The following MYO1E variants were observed in gnomAD, a reference collection of about 807,000 sequenced individuals.
MYO1E encodes the protein unconventional myosin-Ie.
MYO1E carries 68 observed loss-of-function variants against 151.1 expected under a neutral mutation model. The observed-to-expected ratio is 0.45, with a 90% confidence interval of 0.37 to 0.55. The LOEUF is 0.55. MYO1E is among the 20% of genes least tolerant of loss of function. MYO1E has a pLI of 0.00. For synonymous variants in MYO1E, 601 were observed against 501.7 expected, an observed-to-expected ratio of 1.20 and a Z score of -2.64; for missense variants, 1,363 against 1,389.3, an observed-to-expected ratio of 0.98 and a Z score of 0.30.
rs1250793407 is a variant in MYO1E, at chr15:59,201,890, A to T, written c.1698+436T>A. On this transcript the variant is annotated intron_variant, in intron 16 of 27. Coordinates refer to ENST00000288235, the MANE Select transcript of MYO1E (RefSeq NM_004998.4). ...GGCCTGTAGGACCCAGTGAGGAGGG[A>T]TGCATAAATTGCCCCTAAAAGACCA... Among the ~76,000 whole-genome samples, 5 of 152,156 alleles carry T rather than the reference A, an allele frequency of 3.3e-5. No homozygotes were observed. In the East Asian group the frequency reaches 9.6e-4, roughly 29 times the overall value.
At chr15:59,360,198 C>A (rs549306789) in intron 1 of MYO1E, among the ~76,000 whole-genome samples, 2 of 152,104 alleles carry the variant, frequency 1.3e-5, no homozygotes, top group East Asian at 3.8e-4. Flanking sequence ...TTTTTCACGT[C>A]CTGTACAAGT....
In MYO1E at chr15:59,236,483, C is replaced by CCAGTGTCTTTT; in HGVS notation, c.420+91_420+101dup. 3 of 875,054 alleles carry CCAGTGTCTTTT rather than the reference C, an allele frequency of 3.4e-6. No homozygotes were observed. The South Asian group carries it at 4.1e-5, about 12-fold the overall frequency. 54.2% of individuals were successfully genotyped at this position (875,054 alleles called of 1,614,324 possible). On this transcript the variant is annotated intron_variant, in intron 5 of 27. Transcript: ENST00000288235. ...TTCAAGTTTCACAGTTATAGAAGAA[C>CCAGTGTCTTTT]CAGTGTCTTTTCTGTGGAAGAAAAA...
Position 59,159,213 on chromosome 15 carries a change from C to T in MYO1E, c.2786-834G>A, listed in dbSNP as rs191213630. On this transcript the variant is annotated intron_variant, in intron 24 of 27. Coordinates refer to ENST00000288235, the MANE Select transcript of MYO1E (RefSeq NM_004998.4). This position sits in a 1 kb window ranked among gnomAD's most constrained non-coding sequence, Gnocchi z 4.4. ...CCTGGGAGAACCGACCACGTGGGAT[C>T]GGGGCAAACCCAGTGTGGCCTGCTG... Among the ~76,000 whole-genome samples the T allele has an allele frequency of 1.2e-3, 189 of 152,356 alleles. 1 individual carries two copies. The highest frequency in any genetic ancestry group is 0.01 in the Middle Eastern group (3 of 294).
intron 5 of MYO1E, among the ~76,000 whole-genome samples, chr15:59,234,488 C>T (rs1412394514): frequency 6.6e-6 from 1 of 152,134 alleles, no homozygotes; most frequent in Non-Finnish European, 1.5e-5. Flanking sequence ...CTACCTTAAG[C>T]TTTCTGATCT....
intron 12 of MYO1E, among the ~76,000 whole-genome samples, chr15:59,212,053 C>T (rs563649670): frequency 1.3e-5 from 2 of 152,230 alleles, no homozygotes; most frequent in South Asian, 4.1e-4. Flanking sequence ...TACTGTAACA[C>T]CCAAAGTCTC....
intron 24 of MYO1E, among the ~76,000 whole-genome samples, chr15:59,160,833 T>G (rs939814605): frequency 6.6e-6 from 1 of 152,100 alleles, no homozygotes; most frequent in Non-Finnish European, 1.5e-5. Flanking sequence ...TTAACCACAA[T>G]ATTGTAATGC....
intron 14 of MYO1E, 53 bp from the exon 15 acceptor site, chr15:59,205,538 G>T: frequency 1.4e-6 from 2 of 1,468,064 alleles, no homozygotes. Flanking sequence ...GTAATTAATT[G>T]AACAAAATCA....
intron 25 of MYO1E, among the ~76,000 whole-genome samples, chr15:59,154,413 G>A (rs529575422): frequency 7.9e-5 from 12 of 152,226 alleles, no homozygotes; most frequent in Non-Finnish European, 1.6e-4. Context: ...AGTTAAAATC[G>A]CATTAGCCAA....
At chr15:59,369,535 G>A (rs970781310) in intron 1 of MYO1E, among the ~76,000 whole-genome samples, 1 of 152,194 alleles carries the variant, frequency 6.6e-6, no homozygotes, top group Non-Finnish European at 1.5e-5. Context: ...GGAAGCCTTA[G>A]ATGGGTATTA....
intron 24 of MYO1E, 148 bp from the exon 25 acceptor site, chr15:59,158,527 C>A: frequency 1.4e-6 from 1 of 691,040 alleles, no homozygotes; most frequent in Non-Finnish European, 2.6e-6. Flanking sequence ...GAGAAGGAGC[C>A]GTTGAGGGAA....
chr15:59,214,138 C>T (rs984529297), intron 12 of MYO1E, 90 bp downstream of exon 12: 8 of 1,109,664 alleles, frequency 7.2e-6, no homozygotes, highest in South Asian at 3.1e-5. Flanking sequence ...AGACTGGAAC[C>T]GAAATCTATT....
chr15:59,231,016 C>A (rs1322490609), intron 6 of MYO1E, among the ~76,000 whole-genome samples: 8 of 152,178 alleles, frequency 5.3e-5, no homozygotes, highest in African/African-American at 1.9e-4. Context: ...TTCCTATTTA[C>A]CCCCTCTGGA....
chr15:59,177,149 T>C lies in MYO1E; in HGVS notation c.2049+1244A>G, dbSNP rs1208066213. 2.0e-5 allele frequency among the ~76,000 whole-genome samples: 3 copies of C among 152,194 alleles called. No individual in the cohort carries two copies. In the East Asian group the frequency reaches 5.8e-4, roughly 29 times the overall value. ...GAAAGAACAGGAACTGTTCTGTGGGTTGCTTAATGGCGAATGACACAACAT... is the reference window on the plus strand; with the variant it reads ...GAAAGAACAGGAACTGTTCTGTGGGCTGCTTAATGGCGAATGACACAACAT... On this transcript the variant is annotated intron_variant, in intron 19 of 27. Coordinates refer to ENST00000288235, the MANE Select transcript of MYO1E (RefSeq NM_004998.4).
intron 16 of MYO1E, among the ~76,000 whole-genome samples, chr15:59,199,652 T>C (rs954813052): frequency 3.3e-5 from 5 of 152,176 alleles, no homozygotes; most frequent in Admixed American, 2.6e-4. Context: ...CAAATGAATA[T>C]TCTATTAGTT....
chr15:59,231,941 T>C (rs1380083834), intron 5 of MYO1E, 150 bp from the exon 6 acceptor site: 15 of 712,356 alleles, frequency 2.1e-5, no homozygotes, highest in Non-Finnish European at 7.5e-6. Flanking sequence ...GGAGGATTTA[T>C]TCTTTCACCA....
intron 16 of MYO1E, among the ~76,000 whole-genome samples, chr15:59,196,294 C>A (rs2140330566): frequency 6.6e-6 from 1 of 152,204 alleles, no homozygotes; most frequent in Middle Eastern, 3.4e-3. Flanking sequence ...GAACTGGATT[C>A]AAGCAGAAAA....
intron 1 of MYO1E, among the ~76,000 whole-genome samples, chr15:59,296,054 A>G (rs899137438): frequency 2.0e-4 from 30 of 152,238 alleles, no homozygotes; most frequent in African/African-American, 6.7e-4. Flanking sequence ...TAAAAACACA[A>G]TTTCTAAGCA....
At chr15:59,207,150 T>C in intron 14 of MYO1E, 1 of 1,614,188 alleles carries the variant, frequency 6.2e-7, no homozygotes, top group Non-Finnish European at 8.5e-7. Context: ...TTCATCACAG[T>C]AAGGTCTCCA....
intron 1 of MYO1E, among the ~76,000 whole-genome samples, chr15:59,344,893 TA>T (rs2140431204): frequency 6.6e-6 from 1 of 152,308 alleles, no homozygotes; most frequent in African/African-American, 2.4e-5. Flanking sequence ...CAATAGGTAC[TA>T]AAAGACCAAG....
Sources: allele counts gnomAD v4.1 joint callset (sites outside exome capture counted in the v4.1 genomes callset), GRCh38; gene constraint gnomAD v4.1.1; non-coding constraint Gnocchi (gnomAD v3.1); transcripts MANE v1.5; gene names NCBI Gene and HGNC (gene_info 2026-07-23, HGNC 2026-07-21).